SEM1: variants seen among roughly 807,000 people sequenced by gnomAD.
The protein encoded by SEM1 is SEM1 26S proteasome subunit.
SEM1 carries 3 observed loss-of-function variants against 12.7 expected under a neutral mutation model. That is an observed-to-expected ratio of 0.24 (90% CI 0.11 to 0.61). The LOEUF is 0.61. Among genes scored for constraint, SEM1 ranks in the 20% least tolerant of loss-of-function variants. The pLI is 0.88. For missense variants in SEM1, 59 were observed against 81.3 expected (o/e 0.73, Z 1.06); for synonymous variants, 30 against 27.8 (o/e 1.08, Z -0.25).
intron 1 of SEM1, among the ~76,000 whole-genome samples, chr7:96,705,662 C>CA (rs1039554460): frequency 5.3e-5 from 8 of 151,332 alleles, no homozygotes; most frequent in Non-Finnish European, 1.2e-4. Context: ...CCCATCTCTA[C>CA]AAAAAAAATT....
At chr7:96,561,125 T>C (rs74390433) in intron 2 of SEM1, among the ~76,000 whole-genome samples, 114 of 152,276 alleles carry the variant, frequency 7.5e-4, no homozygotes, top group African/African-American at 2.7e-3. Flanking sequence ...TTAAACTTAC[T>C]GCAAACCCCT....
downstream of SEM1, among the ~76,000 whole-genome samples, chr7:96,670,548 C>T (rs1584851106): frequency 6.6e-6 from 1 of 152,040 alleles, no homozygotes; most frequent in African/African-American, 2.4e-5. Flanking sequence ...TAATCAAATA[C>T]AAAACCATCT....
At chr7:96,539,193 T>G (rs79183442) in intron 2 of SEM1, among the ~76,000 whole-genome samples, 1 of 151,918 alleles carries the variant, frequency 6.6e-6, no homozygotes, top group Non-Finnish European at 1.5e-5. Flanking sequence ...CAGTTGAACC[T>G]TCAGTTAAGA....
chr7:96,503,040 G>T (rs1486222282), intron 3 of SEM1, among the ~76,000 whole-genome samples: 1 of 152,102 alleles, frequency 6.6e-6, no homozygotes, highest in Non-Finnish European at 1.5e-5. Flanking sequence ...CCCAAGCATT[G>T]ATCAAATGCT....
At chr7:96,574,648 C>G (rs987652456) in intron 2 of SEM1, among the ~76,000 whole-genome samples, 8 of 152,234 alleles carry the variant, frequency 5.3e-5, no homozygotes, top group South Asian at 2.1e-4. Context: ...TTCTTGGAGG[C>G]TTTATTCATT....
At chr7:96,606,389 T>C (rs1210811235) in intron 2 of SEM1, among the ~76,000 whole-genome samples, 1 of 152,188 alleles carries the variant, frequency 6.6e-6, no homozygotes, top group Non-Finnish European at 1.5e-5. Flanking sequence ...GCATTGGGTC[T>C]GTCTTATTCA....
intron 2 of SEM1, among the ~76,000 whole-genome samples, chr7:96,562,203 C>A (rs1019959662): frequency 2.0e-5 from 3 of 152,108 alleles, no homozygotes; most frequent in Non-Finnish European, 2.9e-5. Flanking sequence ...ATTAAAAAAT[C>A]ATATTAATTT....
downstream of SEM1, among the ~76,000 whole-genome samples, chr7:96,671,071 T>A (rs1406555014): frequency 6.6e-6 from 1 of 152,206 alleles, no homozygotes; most frequent in Non-Finnish European, 1.5e-5. Context: ...AATAATAAAC[T>A]GCATTCATAA....
chr7:96,483,700 C>T, exon 4 of SEM1: 5 of 837,826 alleles, frequency 6.0e-6, no homozygotes, highest in Non-Finnish European at 9.6e-6. Context: ...TCTGTCTGAA[C>T]TTGTCATGTG....
intron 2 of SEM1, among the ~76,000 whole-genome samples, chr7:96,548,872 C>A (rs568792498): frequency 2.2e-3 from 335 of 152,246 alleles, no homozygotes; most frequent in Non-Finnish European, 3.5e-3. Flanking sequence ...AGAAGCAGAT[C>A]AAATTCCATA....
intron 2 of SEM1, among the ~76,000 whole-genome samples, chr7:96,694,271 T>C (rs1790023422): frequency 6.6e-6 from 1 of 151,964 alleles, no homozygotes; most frequent in African/African-American, 2.4e-5. Flanking sequence ...TAAATAGAGA[T>C]GATGGTTGCA....
chr7:96,517,487 C>A (rs78453709), intron 2 of SEM1, among the ~76,000 whole-genome samples: 5,255 of 152,132 alleles, frequency 0.035, 302 homozygotes, highest in African/African-American at 0.12. Context: ...TTGAACTCTT[C>A]AAAGTAATGA....
chr7:96,526,730 C>T (rs1804475352), intron 2 of SEM1, among the ~76,000 whole-genome samples: 1 of 152,110 alleles, frequency 6.6e-6, no homozygotes, highest in Non-Finnish European at 1.5e-5. Context: ...CAAGCCCTCC[C>T]CTCTCCTTTC....
At chr7:96,584,832 C>G (rs891618772) in intron 2 of SEM1, among the ~76,000 whole-genome samples, 8 of 151,676 alleles carry the variant, frequency 5.3e-5, no homozygotes, top group Admixed American at 2.6e-4. Flanking sequence ...CTCCTTTAAG[C>G]ACTTCTCTGT....
At chr7:96,582,874 T>C (rs1806467898) in intron 2 of SEM1, among the ~76,000 whole-genome samples, 1 of 152,242 alleles carries the variant, frequency 6.6e-6, no homozygotes, top group African/African-American at 2.4e-5. Context: ...TTCTTCTTTA[T>C]TAGTCTTGCT....
intron 2 of SEM1, among the ~76,000 whole-genome samples, chr7:96,527,321 C>T (rs1308929328): frequency 1.3e-5 from 2 of 152,086 alleles, no homozygotes; most frequent in African/African-American, 4.8e-5. Context: ...AAAAAATATT[C>T]TGCGGCAAAG....
At chr7:96,530,887 G>T (rs1184406199) in intron 2 of SEM1, among the ~76,000 whole-genome samples, 2 of 152,046 alleles carry the variant, frequency 1.3e-5, no homozygotes, top group Non-Finnish European at 2.9e-5. Flanking sequence ...GGGATTCCTT[G>T]TTCTGCTAAG....
At chr7:96,513,270 A>G (rs1386708785) in intron 2 of SEM1, among the ~76,000 whole-genome samples, 1 of 152,016 alleles carries the variant, frequency 6.6e-6, no homozygotes, top group Admixed American at 6.6e-5. Context: ...CCAAGAAGGA[A>G]CCAACCCTGA....
At chr7:96,667,148 G>A (rs545824344) in intron 2 of SEM1, among the ~76,000 whole-genome samples, 29 of 152,218 alleles carry the variant, frequency 1.9e-4, no homozygotes, top group Middle Eastern at 3.4e-3. Flanking sequence ...TATTCCAATC[G>A]TTGCATAAAC....
Sources: allele counts gnomAD v4.1 joint callset (sites outside exome capture counted in the v4.1 genomes callset), GRCh38; gene constraint gnomAD v4.1.1; transcripts MANE v1.5; gene names NCBI Gene and HGNC (gene_info 2026-07-23, HGNC 2026-07-21).